SYN3: variants seen among roughly 807,000 people sequenced by gnomAD.
SYN3 encodes synapsin III, also known as synapsin-3.
Under a neutral mutation model 65.8 loss-of-function variants are expected in SYN3, and 35 were observed. That is an observed-to-expected ratio of 0.53 (90% confidence interval 0.41 to 0.70). The LOEUF is 0.70. Ranked by LOEUF, SYN3 falls within the 30% of genes least tolerant of loss-of-function variation. The pLI is 0.00. For synonymous variants in SYN3, 270 were observed against 292.9 expected (o/e 0.92, Z 0.80); for missense variants, 680 against 749.0 (o/e 0.91, Z 1.08).
chr22:32,560,560 G>A (rs1179353869), intron 7 of SYN3, among the ~76,000 whole-genome samples: 1 of 152,170 alleles, frequency 6.6e-6, no homozygotes, highest in Non-Finnish European at 1.5e-5. Flanking sequence ...CAAGGCCTGA[G>A]GTGCGACATT....
At chr22:32,710,818 G>C (rs1213181601) in intron 6 of SYN3, among the ~76,000 whole-genome samples, 1 of 151,788 alleles carries the variant, frequency 6.6e-6, no homozygotes, top group Non-Finnish European at 1.5e-5. Context: ...ACTGCCTGCA[G>C]AACCATGAGC....
chr22:32,760,374 T>C (rs1210307614), intron 6 of SYN3, among the ~76,000 whole-genome samples: 1 of 152,056 alleles, frequency 6.6e-6, no homozygotes. Flanking sequence ...TGGAGCTTTA[T>C]TCTTCCCCAA....
chr22:32,891,506 T>C (rs1384704797), intron 4 of SYN3, among the ~76,000 whole-genome samples: 1 of 152,182 alleles, frequency 6.6e-6, no homozygotes, highest in Non-Finnish European at 1.5e-5. Flanking sequence ...CTCAGCATTC[T>C]CTGAGGATTT....
At chr22:32,611,284 GTTTTTTTTTTT>G (rs1201383074) in intron 6 of SYN3, among the ~76,000 whole-genome samples, 2 of 94,522 alleles carry the variant, frequency 2.1e-5, no homozygotes, top group Admixed American at 2.7e-4. Flanking sequence ...TTTTTTTTTT[GTTTTTTTTTTT>G]TTTTTTTTTT....
At chr22:33,001,752 G>T (rs960120932) in intron 2 of SYN3, among the ~76,000 whole-genome samples, 4 of 152,104 alleles carry the variant, frequency 2.6e-5, no homozygotes, top group African/African-American at 9.7e-5. Context: ...TATGACATAG[G>T]TACTATCATT....
At chr22:32,622,942 C>A (rs1271560015) in intron 6 of SYN3, among the ~76,000 whole-genome samples, 1 of 151,918 alleles carries the variant, frequency 6.6e-6, no homozygotes. Context: ...TGTGACTGAG[C>A]TCATTTGAGA....
intron 3 of SYN3, among the ~76,000 whole-genome samples, chr22:32,950,600 C>T (rs1220910764): frequency 6.6e-6 from 1 of 152,152 alleles, no homozygotes; most frequent in Admixed American, 6.6e-5. Context: ...GGATGTCCTG[C>T]TATTTTTTCA....
At chr22:32,604,076 A>G (rs1024248539) in intron 6 of SYN3, among the ~76,000 whole-genome samples, 1 of 152,226 alleles carries the variant, frequency 6.6e-6, no homozygotes. Flanking sequence ...CCGCATCCTC[A>G]ATCCACAGAG....
At chr22:33,000,717 C>A in intron 2 of SYN3, among the ~76,000 whole-genome samples, 1 of 152,176 alleles carries the variant, frequency 6.6e-6, no homozygotes, top group East Asian at 1.9e-4. Flanking sequence ...TCATTATCAT[C>A]TGAAAGGGGA....
At chr22:32,747,343 T>C (rs1449584567) in intron 6 of SYN3, among the ~76,000 whole-genome samples, 1 of 49,526 alleles carries the variant, frequency 2.0e-5, no homozygotes, top group Non-Finnish European at 4.5e-5. Flanking sequence ...AACAAAAAAA[T>C]TGGGAGGTGA....
chr22:32,860,291 A>G (rs916982424), intron 6 of SYN3: 2 of 152,608 alleles, frequency 1.3e-5, no homozygotes, highest in African/African-American at 4.8e-5. Context: ...CACACACCAT[A>G]CACTATCCAC....
rs2046591826 is a variant in SYN3, at chr22:32,801,865, G to A, written c.711+63050C>T. The A allele has an allele frequency of 1.8e-6, 2 of 1,142,682 alleles. No homozygotes were observed. The highest frequency in any genetic ancestry group is 2.2e-6 in the Non-Finnish European group (2 of 904,414). The allele number at this position is 1,142,682 out of a possible 1,614,324, so 70.8% of individuals were successfully genotyped here. A position where few individuals can be genotyped will look rare whatever the true frequency, so the allele number is the denominator to read the frequency against. On this transcript the variant is annotated intron_variant, in intron 6 of 13. Coordinates refer to ENST00000358763, the MANE Select transcript of SYN3 (RefSeq NM_003490.4). This position sits in a 1 kb window ranked among gnomAD's most constrained non-coding sequence, Gnocchi z 4.7. ...TCCCGTCCCGCCGGGCACTCGGAGG[G>A]CAGCGCGCCGGAGGCCAAGGTTGCC...
intron 13 of SYN3, among the ~76,000 whole-genome samples, chr22:32,515,999 T>C (rs750696036): frequency 2.1e-4 from 32 of 152,072 alleles, no homozygotes; most frequent in Admixed American, 6.5e-4. Context: ...GGGGTTTCAC[T>C]GTGTTAGCCA....
At chr22:32,985,698 G>T (rs1236743892) in intron 2 of SYN3, among the ~76,000 whole-genome samples, 1 of 152,034 alleles carries the variant, frequency 6.6e-6, no homozygotes, top group African/African-American at 2.4e-5. Flanking sequence ...TTCATGATCT[G>T]GACCCTGCTG....
At chr22:32,951,216 G>A (rs1179395116) in intron 3 of SYN3, among the ~76,000 whole-genome samples, 1 of 152,060 alleles carries the variant, frequency 6.6e-6, no homozygotes, top group Admixed American at 6.5e-5. Flanking sequence ...GACTTGCTCA[G>A]CCATTGCCAC....
intron 1 of SYN3, chr22:33,015,357 A>T (rs2053445781): frequency 3.5e-6 from 2 of 579,448 alleles, no homozygotes; most frequent in Admixed American, 6.1e-5. Flanking sequence ...CAAAGAACTT[A>T]CTGTACAGGG....
At chr22:32,587,278 G>A (rs569412870) in intron 7 of SYN3, among the ~76,000 whole-genome samples, 1 of 151,394 alleles carries the variant, frequency 6.6e-6, no homozygotes, top group South Asian at 2.1e-4. Flanking sequence ...GAGGCCAGTG[G>A]CCATCAAAAG....
In SYN3 at chr22:32,650,271, C is replaced by T. The variant is rs2413134; in HGVS notation, c.712-53535G>A. Among the ~76,000 whole-genome samples, 31 of 116,110 alleles carry T rather than the reference C, an allele frequency of 2.7e-4. 2 individuals carry two copies. The highest frequency in any genetic ancestry group is 1.0e-3 in the South Asian group (3 of 2,908). 76.2% of individuals were successfully genotyped at this position (116,110 alleles called of 152,430 possible). On this transcript the variant is annotated intron_variant, in intron 6 of 13. Coordinates refer to ENST00000358763, the MANE Select transcript of SYN3 (RefSeq NM_003490.4). Reference sequence around the variant, plus strand: ...CCTCCCTCCCTCCCTCTCTCTCTCTCTCTCTTTCTTTTTGAGACAGAGTCT... The same window carrying T: ...CCTCCCTCCCTCCCTCTCTCTCTCTTTCTCTTTCTTTTTGAGACAGAGTCT...
chr22:32,640,535 C>G (rs2059880861), intron 6 of SYN3, among the ~76,000 whole-genome samples: 1 of 152,158 alleles, frequency 6.6e-6, no homozygotes, highest in Non-Finnish European at 1.5e-5. Flanking sequence ...GCTAAGCAGA[C>G]AGGACTCCAG....
Sources: allele counts gnomAD v4.1 joint callset (sites outside exome capture counted in the v4.1 genomes callset), GRCh38; gene constraint gnomAD v4.1.1; non-coding constraint Gnocchi (gnomAD v3.1); transcripts MANE v1.5; gene names NCBI Gene and HGNC (gene_info 2026-07-23, HGNC 2026-07-21).